The following IL1F10 variants were observed in gnomAD, a reference collection of about 807,000 sequenced individuals.
IL1F10 encodes interleukin-1 family member 10.
IL1F10 carries 13 observed loss-of-function variants against 13.1 expected under a neutral mutation model. The ratio of observed to expected loss-of-function variants is 0.99; its 90% CI spans 0.64 to 1.57. The LOEUF is 1.57. Among genes scored for constraint, IL1F10 ranks in the 40% most tolerant of loss-of-function variants. IL1F10 has a pLI of 0.00. For missense variants in IL1F10, 191 were observed against 184.1 expected (o/e 1.04, Z -0.22); for synonymous variants, 78 against 68.2 (o/e 1.14, Z -0.71).
At chr2:113,071,693 C>T (rs570907991) in intron 1 of IL1F10, among the ~76,000 whole-genome samples, 2 of 152,324 alleles carry the variant, frequency 1.3e-5, no homozygotes, top group South Asian at 4.1e-4. Flanking sequence ...CCTCAGCACC[C>T]ACCTGTTCCT....
chr2:113,074,582 C>T (rs755775944), intron 3 of IL1F10, 141 bp from the exon 4 acceptor site: 1 of 1,185,910 alleles, frequency 8.4e-7, no homozygotes, highest in South Asian at 1.2e-5. Context: ...CTGCAGAAGT[C>T]CTGGCTCACC....
Position 113,074,763 on chromosome 2 carries a change from C to T in IL1F10, c.159C>T (p.Thr53=), listed in dbSNP as rs142329174. 2 of 1,613,806 alleles carry T rather than the reference C, an allele frequency of 1.2e-6. No homozygotes were observed. The highest frequency in any genetic ancestry group is 8.5e-7 in the Non-Finnish European group (1 of 1,179,742). ...TTCCTAACAGAGGCTTGGCCCGCAC[C>T]AAGGTCCCCATTTTCCTGGGGATCC... ...CILPNRGLAR[T]KVPIFLGIQG... is the part of the protein sequence containing the mutation. Residue 53 remains threonine, a synonymous_variant, in exon 4 of 5, where the codon ACC becomes ACT. Transcript: ENST00000341010.
At chr2:113,074,897 AC>A in intron 4 of IL1F10, 47 bp downstream of exon 4, 1 of 1,589,814 alleles carries the variant, frequency 6.3e-7, no homozygotes, top group Non-Finnish European at 8.6e-7. Flanking sequence ...ACCTGGCCTG[AC>A]CCCTGGGATG....
intron 1 of IL1F10, among the ~76,000 whole-genome samples, chr2:113,071,414 C>G (rs1685832460): frequency 6.6e-6 from 1 of 152,166 alleles, no homozygotes; most frequent in Admixed American, 6.5e-5. Context: ...TTTGGGCAAT[C>G]CGTTATTTTT....
chr2:113,073,499 T>C (rs1685876181), intron 2 of IL1F10, among the ~76,000 whole-genome samples: 2 of 152,164 alleles, frequency 1.3e-5, no homozygotes, highest in African/African-American at 4.8e-5. Flanking sequence ...ACAAAGCAGA[T>C]GTCAGCACTT....
intron 3 of IL1F10, 76 bp from the exon 4 acceptor site, chr2:113,074,647 C>T (rs1354257305): frequency 7.6e-6 from 12 of 1,569,938 alleles, no homozygotes; most frequent in Non-Finnish European, 1.1e-5. Flanking sequence ...TTCCTTCCTG[C>T]CTGAGCCTTT....
chr2:113,075,124 T>C, intron 4 of IL1F10, 28 bp from the exon 5 acceptor site: 1 of 1,571,548 alleles, frequency 6.4e-7, no homozygotes, highest in Non-Finnish European at 8.7e-7. Context: ...GCACTCTCAT[T>C]CTGCAGCCAT....
rs780390899 is a variant in IL1F10 at position 113,075,318 on chromosome 2, G to A, written c.413G>A (p.Ser138Asn). The A allele has an allele frequency of 1.9e-6, 3 of 1,601,250 alleles. No individual in the cohort carries two copies. Among genetic ancestry groups the A allele is most frequent in the African/African-American group, 2.7e-5 (2 of 74,726 alleles). The change falls in exon 5 of 5, where the codon AGT (serine) becomes AAT (asparagine). Residue 138 changes from serine to asparagine, a missense_variant. Ser to Asn is a conservative substitution (Grantham distance 46). Transcript: ENST00000341010. ...PQQPVQLTKE[S>N]EPSARTKFYF... ...CAGCCAGTACAGCTCACCAAGGAGA[G>A]TGAGCCCTCAGCCCGTACCAAGTTT...
Position 113,074,766 on chromosome 2 carries a change from G to C in IL1F10, c.162G>C (p.Lys54Asn). Residue 54 changes from lysine (K) to asparagine (N), a missense_variant, in exon 4 of 5, where the codon AAG becomes AAC. Transcript: ENST00000341010. ...CTAACAGAGGCTTGGCCCGCACCAAGGTCCCCATTTTCCTGGGGATCCAGG... is the reference window on the plus strand; with the variant it reads ...CTAACAGAGGCTTGGCCCGCACCAACGTCCCCATTTTCCTGGGGATCCAGG... ...ILPNRGLART[K>N]VPIFLGIQGG... 6.2e-7 allele frequency: 1 copy of C among 1,613,944 alleles called. No homozygotes were observed. Among genetic ancestry groups the C allele is most frequent in the Non-Finnish European group, 8.5e-7 (1 of 1,179,862 alleles).
intron 1 of IL1F10, among the ~76,000 whole-genome samples, chr2:113,068,955 G>T (rs1428541296): frequency 6.6e-6 from 1 of 152,062 alleles, no homozygotes; most frequent in Non-Finnish European, 1.5e-5. Flanking sequence ...TGAAACTGAG[G>T]GTTGGAGGTT....
chr2:113,072,649 C>G lies in IL1F10; in HGVS notation c.-28-62C>G, dbSNP rs1372593030. 2.6e-6 allele frequency: 3 copies of G among 1,148,764 alleles called. No homozygotes were observed. The African/African-American group carries it at 4.6e-5, about 17-fold the overall frequency. The allele number at this position is 1,148,764 out of a possible 1,614,324, so 71.2% of individuals were successfully genotyped here. ...TTGGCTGAGTGGTTCTAAGCCCCAGCACGTCTGCCTCTGGCTTCACCCAGC... is the reference window on the plus strand; with the variant it reads ...TTGGCTGAGTGGTTCTAAGCCCCAGGACGTCTGCCTCTGGCTTCACCCAGC... On this transcript the variant is annotated intron_variant, in intron 1 of 4. Coordinates refer to ENST00000341010, the MANE Select transcript of IL1F10 (RefSeq NM_173161.3).
intron 1 of IL1F10, 109 bp from the exon 2 acceptor site, chr2:113,072,602 G>A (rs927611403): frequency 2.5e-5 from 17 of 687,704 alleles, no homozygotes; most frequent in Admixed American, 1.8e-4. Context: ...TAGACGAATG[G>A]CCTGGGGAAC....
chr2:113,074,446 A>C lies in IL1F10; in HGVS notation c.118+32A>C, dbSNP rs763603470. 2.6e-6 allele frequency: 4 copies of C among 1,510,240 alleles called. No individual in the cohort carries two copies. The East Asian group carries it at 6.8e-5, about 26-fold the overall frequency. The allele number at this position is 1,510,240 out of a possible 1,614,324, so 93.6% of individuals were successfully genotyped here. On this transcript the variant is annotated intron_variant, in intron 3 of 4. Transcript: ENST00000341010. ...TTCTGGGGCCTCCACCCCATGCTCCATCTGCCATAGGCCCTCCCTTCTCTT... is the reference window on the plus strand; with the variant it reads ...TTCTGGGGCCTCCACCCCATGCTCCCTCTGCCATAGGCCCTCCCTTCTCTT...
Position 113,075,316 on chromosome 2 carries a change from G to C in IL1F10, c.411G>C (p.Glu137Asp). 1 of 1,601,566 alleles carries C rather than the reference G, an allele frequency of 6.2e-7. No homozygotes were observed. The highest frequency in any genetic ancestry group is 8.5e-7 in the Non-Finnish European group (1 of 1,169,862). The change falls in exon 5 of 5, where the codon GAG (glutamate) becomes GAC (aspartate). Residue 137 changes from glutamate (E) to aspartate (D), a missense_variant. Glu to Asp is a conservative substitution (Grantham distance 45). Coordinates refer to ENST00000341010, the MANE Select transcript of IL1F10 (RefSeq NM_173161.3). ...EPQQPVQLTK[E>D]SEPSARTKFY... ...AGCAGCCAGTACAGCTCACCAAGGA[G>C]AGTGAGCCCTCAGCCCGTACCAAGT...
In IL1F10 at chr2:113,074,316, C is replaced by G; in HGVS notation, c.33-13C>G. The G allele has an allele frequency of 6.3e-7, 1 of 1,578,368 alleles. No homozygotes were observed. The highest frequency in any genetic ancestry group is 1.1e-5 in the South Asian group (1 of 90,212). On this transcript the variant is annotated splice_polypyrimidine_tract_variant and intron_variant, in intron 2 of 4. Coordinates refer to ENST00000341010, the MANE Select transcript of IL1F10 (RefSeq NM_173161.3). The stretch of plus-strand genomic sequence containing the variant: ...AAAGGGAATGGGCCATCAGCACTGT[C>G]ATACTGTTTCAGAATTAAATATGCA...
In IL1F10 at chr2:113,075,620, G is replaced by A. The variant is rs1445875211; in HGVS notation, c.*256G>A. The A allele has an allele frequency of 3.3e-6, 1 of 298,590 alleles. No individual in the cohort carries two copies. 18.5% of individuals were successfully genotyped at this position (298,590 alleles called of 1,614,324 possible). On this transcript the variant is annotated 3_prime_UTR_variant, in exon 5 of 5. Coordinates refer to ENST00000341010, the MANE Select transcript of IL1F10 (RefSeq NM_173161.3). ...AAGGAGGCAGGAAGGGAGAGTCAGAGAGAGAATGGAAGATACCATGCTTCT... is the reference window on the plus strand; with the variant it reads ...AAGGAGGCAGGAAGGGAGAGTCAGAAAGAGAATGGAAGATACCATGCTTCT...
intron 1 of IL1F10, among the ~76,000 whole-genome samples, chr2:113,069,647 G>A (rs548971653): frequency 2.2e-4 from 34 of 152,338 alleles, no homozygotes; most frequent in African/African-American, 8.2e-4. Flanking sequence ...GGGCTGTCCT[G>A]TAGGCTGCAG....
chr2:113,071,853 C>G (rs1685841363), intron 1 of IL1F10, among the ~76,000 whole-genome samples: 1 of 152,078 alleles, frequency 6.6e-6, no homozygotes, highest in African/African-American at 2.4e-5. Flanking sequence ...TGGTGAGAAT[C>G]AGATCTACTC....
chr2:113,074,678 AT>A (rs770929800), intron 3 of IL1F10, 44 bp from the exon 4 acceptor site: 12 of 1,611,320 alleles, frequency 7.4e-6, no homozygotes, highest in African/African-American at 2.7e-5. Flanking sequence ...AGCCTGCAAC[AT>A]GGGGTTCCCT....
Sources: allele counts gnomAD v4.1 joint callset (sites outside exome capture counted in the v4.1 genomes callset), GRCh38; gene constraint gnomAD v4.1.1; transcripts MANE v1.5; gene names NCBI Gene and HGNC (gene_info 2026-07-23, HGNC 2026-07-21).